ACE: variants seen among roughly 807,000 people sequenced by gnomAD.
The protein encoded by ACE is angiotensin I converting enzyme.
Under a neutral mutation model 162.3 loss-of-function variants are expected in ACE, and 122 were observed. The observed-to-expected ratio is 0.75, with a 90% CI of 0.65 to 0.87. The LOEUF is 0.87. Ranked by LOEUF, ACE falls within the 40% of genes least tolerant of loss-of-function variation. The probability of loss-of-function intolerance (pLI) is 0.00; values close to 1 mark genes in which losing one functional copy is unlikely to be tolerated. For missense variants in ACE, 1,799 were observed against 1,735.1 expected (o/e 1.04, Z -0.65); for synonymous variants, 796 against 720.6 (o/e 1.10, Z -1.68).
intron 14 of ACE, 119 bp downstream of exon 14, chr17:63,486,834 C>T (rs2029977621): frequency 6.7e-7 from 1 of 1,499,960 alleles, no homozygotes; most frequent in Non-Finnish European, 9.3e-7. Flanking sequence ...TGGCATCTGC[C>T]ATGCGATGTG....
At chr17:63,480,043 G>A in intron 4 of ACE, 131 bp downstream of exon 4, 5 of 1,407,162 alleles carry the variant, frequency 3.6e-6, no homozygotes, top group Non-Finnish European at 3.9e-6. Context: ...TTCCCAGAAA[G>A]TGGAGGTGGG....
rs757708886 is a variant in ACE, at chr17:63,484,496, T to G, written c.1876T>G (p.Tyr626Asp). The change falls in exon 12 of 25, where the codon TAC (tyrosine) becomes GAC (aspartate). Residue 626 changes from tyrosine to aspartate, a missense_variant. Physicochemically the swap from Tyr to Asp is radical, Grantham distance 160 (BLOSUM62 -3). Coordinates refer to ENST00000290866, the MANE Select transcript of ACE (RefSeq NM_000789.4). This position sits in a 1 kb window ranked among gnomAD's most constrained non-coding sequence, Gnocchi z 4.0. ...QNGEVLGWPE[Y>D]QWHPPLPDNY... The stretch of plus-strand genomic sequence containing the variant: ...CGGCGAGGTCCTGGGCTGGCCCGAG[T>G]ACCAGTGGCACCCGCCGTTGCCTGA... The G allele has an allele frequency of 2.5e-6, 4 of 1,607,762 alleles. No individual in the cohort carries two copies. In the East Asian group the frequency reaches 6.7e-5, roughly 27 times the overall value.
chr17:63,490,458 C>T (rs900998188), intron 17 of ACE: 21 of 211,656 alleles, frequency 9.9e-5, no homozygotes, highest in Non-Finnish European at 1.5e-4. Context: ...CAATCCCAGC[C>T]CTGCCACTTA....
chr17:63,494,236 C>A, intron 21 of ACE, 136 bp from the exon 22 acceptor site: 1 of 1,247,530 alleles, frequency 8.0e-7, no homozygotes, highest in Non-Finnish European at 1.1e-6. Flanking sequence ...GGTGATTGTG[C>A]ACAGAGGCCC....
intron 19 of ACE, among the ~76,000 whole-genome samples, chr17:63,492,788 G>A (rs1441554141): frequency 6.6e-6 from 1 of 152,206 alleles, no homozygotes; most frequent in Non-Finnish European, 1.5e-5. Flanking sequence ...TTGGGAAGCC[G>A]AGGCAGGAGG....
chr17:63,496,310 T>TG (rs1278416605), intron 22 of ACE, 84 bp from the exon 23 acceptor site: 5 of 1,597,954 alleles, frequency 3.1e-6, no homozygotes, highest in Non-Finnish European at 3.4e-6. Context: ...ACACATCACA[T>TG]GTGATGTGCA....
rs2147531880 is a variant in ACE, at chr17:63,481,643, G to C, written c.1023G>C (p.Glu341Asp). Residue 341 changes from glutamate (E) to aspartate (D), a missense_variant, in exon 7 of 25, where the codon GAG becomes GAC. Transcript: ENST00000290866. ...TGGAGCTCTCCCCCATGCCTCCCGAGTTCTGGGAAGGGTCGATGCTGGAGA... is the reference window on the plus strand; with the variant it reads ...TGGAGCTCTCCCCCATGCCTCCCGACTTCTGGGAAGGGTCGATGCTGGAGA... Reference protein sequence around the residue: ...TSLELSPMPPEFWEGSMLEKP... With the variant: ...TSLELSPMPPDFWEGSMLEKP... The C allele has an allele frequency of 1.9e-6, 3 of 1,614,136 alleles. No homozygotes were observed. The highest frequency in any genetic ancestry group is 4.5e-5 in the East Asian group (2 of 44,878).
At chr17:63,489,845 A>G (rs2030251454) in intron 17 of ACE, 1 of 154,644 alleles carries the variant, frequency 6.5e-6, no homozygotes, top group East Asian at 1.9e-4. Flanking sequence ...TCTAGCTCCC[A>G]CACAGGCTGG....
chr17:63,478,195 G>A, intron 2 of ACE, 97 bp downstream of exon 2: 1 of 1,446,154 alleles, frequency 6.9e-7, no homozygotes, highest in Non-Finnish European at 9.4e-7. Context: ...AGGAACCCTG[G>A]GATCCACATG....
chr17:63,478,922 T>C lies in ACE; in HGVS notation c.418-85T>C. 3.4e-6 allele frequency: 4 copies of C among 1,174,860 alleles called. No individual in the cohort carries two copies. The South Asian group carries it at 3.9e-5, about 11-fold the overall frequency. 72.8% of individuals were successfully genotyped at this position (1,174,860 alleles called of 1,614,324 possible). On this transcript the variant is annotated intron_variant, in intron 2 of 24. Coordinates refer to ENST00000290866, the MANE Select transcript of ACE (RefSeq NM_000789.4). ...GGCCTTGTCCAAGCTACATCCACTCTGTGGGCTCCTCCTTCTAGCAGCGAG... is the reference window on the plus strand; with the variant it reads ...GGCCTTGTCCAAGCTACATCCACTCCGTGGGCTCCTCCTTCTAGCAGCGAG...
At chr17:63,496,063 A>G (rs945839766) in intron 22 of ACE, 5 of 399,974 alleles carry the variant, frequency 1.3e-5, no homozygotes, top group Non-Finnish European at 2.4e-5. Context: ...CATATACCCC[A>G]GGGATGGAGA....
At position 63,493,568 on chromosome 17, in the gene ACE, T is replaced by C; in HGVS notation, c.3045T>C (p.His1015=). ...ALREGANPGF[H]EAIGDVLALS... is the part of the protein sequence containing the mutation. ...GGGAGGGTGCCAACCCCGGCTTCCATGAGGCCATTGGGGACGTGCTAGCCC... is the reference window on the plus strand; with the variant it reads ...GGGAGGGTGCCAACCCCGGCTTCCACGAGGCCATTGGGGACGTGCTAGCCC... The change falls in exon 20 of 25, where the codon CAT becomes CAC. Residue 1015 remains histidine, a synonymous_variant. Coordinates refer to ENST00000290866, the MANE Select transcript of ACE (RefSeq NM_000789.4). 3 of 1,614,162 alleles carry C rather than the reference T, an allele frequency of 1.9e-6. No individual in the cohort carries two copies. Among genetic ancestry groups the C allele is most frequent in the Non-Finnish European group, 2.5e-6 (3 of 1,180,044 alleles).
chr17:63,486,288 T>G, intron 13 of ACE: 1 of 537,224 alleles, frequency 1.9e-6, no homozygotes, highest in Non-Finnish European at 3.4e-6. Context: ...GGCTCCTTCC[T>G]AAGGGCCTTT....
At position 63,484,779 on chromosome 17, in the gene ACE, C is replaced by T; in HGVS notation, c.1921+238C>T. On this transcript the variant is annotated intron_variant, in intron 12 of 24. Transcript: ENST00000290866. This position sits in a 1 kb window ranked among gnomAD's most constrained non-coding sequence, Gnocchi z 4.0. ...AGGGCCCCTCCCCTTCCAGAGGAAG[C>T]CAGACACAAGGCTCTGTGAGGTCAC... The T allele has an allele frequency of 2.7e-6, 4 of 1,478,404 alleles. No homozygotes were observed. Among genetic ancestry groups the T allele is most frequent in the East Asian group, 2.5e-5 (1 of 40,468 alleles). 91.6% of individuals were successfully genotyped at this position (1,478,404 alleles called of 1,614,324 possible).
In ACE at chr17:63,477,940, GC is replaced by G; in HGVS notation, c.262del (p.Leu88CysfsTer57). On this transcript the variant is annotated frameshift_variant, in exon 2 of 25. Transcript: ENST00000290866. LOFTEE classifies it high-confidence loss of function. ...AENARRQEEA[A>X]LLSQEFAEAW... ...TCCTGGTGCCCAATAGGAGGAAGCA[GC>G]CCTGCTCAGCCAGGAGTTTGCGGAG... 2 of 1,610,630 alleles carry G rather than the reference GC, an allele frequency of 1.2e-6. No individual in the cohort carries two copies. Among genetic ancestry groups the G allele is most frequent in the South Asian group, 2.2e-5 (2 of 90,328 alleles).
chr17:63,493,813 G>T (rs947890799), intron 20 of ACE, 109 bp from the exon 21 acceptor site: 56 of 1,566,626 alleles, frequency 3.6e-5, no homozygotes, highest in Non-Finnish European at 4.6e-5. Context: ...CAGGAGGCAG[G>T]TCACAGGGCC....
chr17:63,479,490 C>T (rs976418627), intron 3 of ACE, among the ~76,000 whole-genome samples: 1 of 152,190 alleles, frequency 6.6e-6, no homozygotes, highest in Non-Finnish European at 1.5e-5. Flanking sequence ...GCACTCCATC[C>T]AATAGGCCGC....
intron 22 of ACE, among the ~76,000 whole-genome samples, chr17:63,495,834 C>T (rs959839228): frequency 6.6e-6 from 1 of 152,254 alleles, no homozygotes; most frequent in Non-Finnish European, 1.5e-5. Flanking sequence ...GTGGTACATG[C>T]TTGCACCCAG....
At chr17:63,477,510 C>G (rs2049637913) in intron 1 of ACE, 167 bp downstream of exon 1, 3 of 379,454 alleles carry the variant, frequency 7.9e-6, no homozygotes, top group Non-Finnish European at 1.1e-5. Context: ...GGGCTGCGCG[C>G]ACGGCCTGCG....
Sources: allele counts gnomAD v4.1 joint callset (sites outside exome capture counted in the v4.1 genomes callset), GRCh38; gene constraint gnomAD v4.1.1; non-coding constraint Gnocchi (gnomAD v3.1); transcripts MANE v1.5; gene names NCBI Gene and HGNC (gene_info 2026-07-23, HGNC 2026-07-21).